Variants in ADGRB3 observed in about 807,000 individuals in gnomAD.
ADGRB3 encodes adhesion G protein-coupled receptor B3, also known as brain-specific angiogenesis inhibitor 3.
ADGRB3 carries 37 observed loss-of-function variants against 193.4 expected under a neutral mutation model. That is an observed-to-expected ratio of 0.19 (90% CI 0.15 to 0.25). ADGRB3 has a LOEUF of 0.25. Among genes scored for constraint, ADGRB3 ranks in the 10% least tolerant of loss-of-function variants. The pLI is 1.00. For missense variants in ADGRB3, 1,637 were observed against 1,852.9 expected (o/e 0.88, Z 2.14); for synonymous variants, 690 against 644.2 (o/e 1.07, Z -1.08).
intron 17 of ADGRB3, among the ~76,000 whole-genome samples, chr6:69,221,825 C>A (rs1194322762): frequency 1.3e-5 from 2 of 152,052 alleles, no homozygotes; most frequent in South Asian, 2.1e-4. Flanking sequence ...AGATTACATT[C>A]TTTGCATTTC....
intron 17 of ADGRB3, among the ~76,000 whole-genome samples, chr6:69,103,502 A>G (rs1582463089): frequency 6.6e-6 from 1 of 152,260 alleles, no homozygotes; most frequent in East Asian, 1.9e-4. Flanking sequence ...GATTAAGGAA[A>G]AAAAGAAGTC....
chr6:68,986,733 A>C (rs1769087380), intron 10 of ADGRB3, among the ~76,000 whole-genome samples: 1 of 152,200 alleles, frequency 6.6e-6, no homozygotes, highest in Admixed American at 6.6e-5. Flanking sequence ...GAAGCCACTT[A>C]GAACTGTGAA....
chr6:68,750,606 A>T (rs1766179302), intron 3 of ADGRB3, among the ~76,000 whole-genome samples: 2 of 151,984 alleles, frequency 1.3e-5, no homozygotes, highest in South Asian at 4.1e-4. Flanking sequence ...TTTTTCTGCC[A>T]TTTGCTAACT....
intron 3 of ADGRB3, among the ~76,000 whole-genome samples, chr6:68,859,451 G>C (rs1765086889): frequency 6.6e-6 from 1 of 152,116 alleles, no homozygotes; most frequent in Non-Finnish European, 1.5e-5. Context: ...GTATTCGTCT[G>C]TTCTCACACT....
intron 17 of ADGRB3, among the ~76,000 whole-genome samples, chr6:69,120,213 G>C (rs1256839860): frequency 1.3e-5 from 2 of 152,192 alleles, no homozygotes; most frequent in African/African-American, 4.8e-5. Context: ...TGGAGGTTAT[G>C]AATTTGTGTA....
intron 20 of ADGRB3, among the ~76,000 whole-genome samples, chr6:69,315,903 G>A (rs1009114903): frequency 2.6e-5 from 4 of 151,282 alleles, no homozygotes; most frequent in African/African-American, 9.7e-5. Context: ...CATAAATACT[G>A]TAATTACAGT....
chr6:69,090,455 A>G (rs1772673151), intron 17 of ADGRB3, among the ~76,000 whole-genome samples: 1 of 152,230 alleles, frequency 6.6e-6, no homozygotes, highest in South Asian at 2.1e-4. Context: ...GACTAATCAA[A>G]TAAATAACAA....
intron 29 of ADGRB3, among the ~76,000 whole-genome samples, chr6:69,368,868 A>C (rs1167034083): frequency 6.6e-6 from 1 of 152,146 alleles, no homozygotes; most frequent in Non-Finnish European, 1.5e-5. Context: ...AGTATTGAGA[A>C]TAGAATACAA....
intron 3 of ADGRB3, among the ~76,000 whole-genome samples, chr6:68,875,655 C>T (rs896606081): frequency 2.6e-5 from 4 of 151,790 alleles, no homozygotes; most frequent in Non-Finnish European, 4.4e-5. Flanking sequence ...GAAATGAGAA[C>T]GGTAACCAGG....
intron 20 of ADGRB3, among the ~76,000 whole-genome samples, chr6:69,320,550 C>T (rs1031677398): frequency 2.0e-5 from 3 of 151,434 alleles, no homozygotes; most frequent in African/African-American, 7.3e-5. Flanking sequence ...AAAATTTCTT[C>T]CAATTTAAAA....
chr6:69,031,037 C>CTT (rs1227663004), intron 13 of ADGRB3, among the ~76,000 whole-genome samples: 13 of 36,558 alleles, frequency 3.6e-4, no homozygotes, highest in Non-Finnish European at 5.6e-4. Flanking sequence ...CTCTTCTCTT[C>CTT]TCTCTTCTCT....
intron 17 of ADGRB3, among the ~76,000 whole-genome samples, chr6:69,143,962 T>C (rs1431027958): frequency 3.3e-5 from 5 of 152,190 alleles, no homozygotes; most frequent in Non-Finnish European, 7.4e-5. Context: ...ATTTGTAGAT[T>C]GCTTTGGGTA....
chr6:69,371,060 TTTTA>T (rs1406885926), intron 29 of ADGRB3, among the ~76,000 whole-genome samples: 2 of 152,112 alleles, frequency 1.3e-5, no homozygotes. Context: ...CCTGCTGAGT[TTTTA>T]TTTAATAAAG....
chr6:68,779,389 G>A (rs1238849707), intron 3 of ADGRB3, among the ~76,000 whole-genome samples: 1 of 151,378 alleles, frequency 6.6e-6, no homozygotes, highest in Non-Finnish European at 1.5e-5. Flanking sequence ...GTCCTGAAGA[G>A]AAGCACACAG....
chr6:69,020,053 C>G (rs1244340242), intron 13 of ADGRB3, among the ~76,000 whole-genome samples: 1 of 152,016 alleles, frequency 6.6e-6, no homozygotes, highest in East Asian at 1.9e-4. Context: ...GAACCACTTT[C>G]CTAAGGGAAG....
At chr6:68,976,760 G>C (rs953276234) in intron 10 of ADGRB3, among the ~76,000 whole-genome samples, 2 of 151,996 alleles carry the variant, frequency 1.3e-5, no homozygotes, top group African/African-American at 2.4e-5. Flanking sequence ...AGAAAGAGGA[G>C]GGGTTGGTCT....
At chr6:69,290,639 C>T (rs1172436855) in intron 20 of ADGRB3, among the ~76,000 whole-genome samples, 1 of 152,160 alleles carries the variant, frequency 6.6e-6, no homozygotes, top group Non-Finnish European at 1.5e-5. Flanking sequence ...AATTCTATCA[C>T]ATAGTTTTTC....
chr6:68,772,892 A>ATATATATATATATAT (rs1293211041), intron 3 of ADGRB3, among the ~76,000 whole-genome samples: 1 of 30,560 alleles, frequency 3.3e-5, no homozygotes, highest in Admixed American at 4.7e-4. Context: ...CAAAAAAAAA[A>ATATATATATATATAT]AAATATATAT....
At chr6:68,746,530 A>G (rs1766089524) in intron 3 of ADGRB3, among the ~76,000 whole-genome samples, 1 of 152,088 alleles carries the variant, frequency 6.6e-6, no homozygotes, top group African/African-American at 2.4e-5. Context: ...TCATATCTTA[A>G]TAGAATTCAT....
Sources: allele counts gnomAD v4.1 joint callset (sites outside exome capture counted in the v4.1 genomes callset), GRCh38; gene constraint gnomAD v4.1.1; transcripts MANE v1.5; gene names NCBI Gene and HGNC (gene_info 2026-07-23, HGNC 2026-07-21).